PPP3CA: variants seen among roughly 807,000 people sequenced by gnomAD.
PPP3CA encodes the protein protein phosphatase 3 catalytic subunit alpha, also known as CAM-PRP catalytic subunit.
PPP3CA carries 14 observed loss-of-function variants against 66.5 expected under a neutral mutation model. The ratio of observed to expected loss-of-function variants is 0.21; its 90% CI spans 0.14 to 0.33. The LOEUF (loss-of-function observed/expected upper bound fraction) is 0.33, where lower values mean the gene tolerates loss of function less well. Ranked by LOEUF, PPP3CA falls within the 10% of genes least tolerant of loss-of-function variation. The pLI is 1.00. For synonymous variants in PPP3CA, 232 were observed against 226.2 expected (o/e 1.03, Z -0.23); for missense variants, 317 against 639.5 (o/e 0.50, Z 5.44).
chr4:101,325,868 GA>G (rs1729190351), intron 1 of PPP3CA, among the ~76,000 whole-genome samples: 2 of 152,068 alleles, frequency 1.3e-5, no homozygotes, highest in Non-Finnish European at 2.9e-5. Flanking sequence ...CTTTGGCAAA[GA>G]AAAAAGAAGA....
At chr4:101,301,703 AGGCT>A (rs1018426905) in intron 1 of PPP3CA, among the ~76,000 whole-genome samples, 5 of 149,188 alleles carry the variant, frequency 3.4e-5, no homozygotes, top group African/African-American at 1.2e-4. Context: ...CATGTTGGCC[AGGCT>A]GGTCTTAGCT....
At chr4:101,262,680 C>T (rs550228113) in intron 1 of PPP3CA, among the ~76,000 whole-genome samples, 3 of 152,168 alleles carry the variant, frequency 2.0e-5, no homozygotes, top group East Asian at 3.9e-4. Context: ...GGTCTCCTGA[C>T]TCTCATGGTT....
At chr4:101,085,425 T>A (rs1432625348) in intron 6 of PPP3CA, among the ~76,000 whole-genome samples, 2 of 152,212 alleles carry the variant, frequency 1.3e-5, no homozygotes. Context: ...GATACCCTTA[T>A]GTGTTTAAGC....
At chr4:101,247,391 G>A (rs1482689204) in intron 1 of PPP3CA, among the ~76,000 whole-genome samples, 7 of 151,852 alleles carry the variant, frequency 4.6e-5, no homozygotes. Flanking sequence ...CGAACTCCTG[G>A]CCTCAGGTGA....
At chr4:101,247,962 AAG>A (rs1346232687) in intron 1 of PPP3CA, among the ~76,000 whole-genome samples, 2 of 152,198 alleles carry the variant, frequency 1.3e-5, no homozygotes, top group Non-Finnish European at 2.9e-5. Flanking sequence ...ATATATGAGA[AAG>A]AGAGAGAGTT....
At chr4:101,060,712 C>A (rs1578411447) in intron 10 of PPP3CA, among the ~76,000 whole-genome samples, 1 of 151,924 alleles carries the variant, frequency 6.6e-6, no homozygotes, top group East Asian at 1.9e-4. Context: ...GTGAGCAACC[C>A]CATTAGAGGA....
intron 1 of PPP3CA, among the ~76,000 whole-genome samples, chr4:101,319,145 G>A (rs1245943455): frequency 4.1e-5 from 6 of 144,808 alleles, no homozygotes; most frequent in Non-Finnish European, 6.0e-5. Context: ...TCTTAAACGT[G>A]AAGAATTCTG....
chr4:101,192,338 C>G (rs929496460), intron 2 of PPP3CA, among the ~76,000 whole-genome samples: 7 of 152,082 alleles, frequency 4.6e-5, no homozygotes, highest in African/African-American at 1.7e-4. Context: ...GAATTCCTCC[C>G]CACCTCTTCC....
At chr4:101,200,851 C>T (rs905595271) in intron 1 of PPP3CA, among the ~76,000 whole-genome samples, 1 of 152,218 alleles carries the variant, frequency 6.6e-6, no homozygotes, top group East Asian at 1.9e-4. Flanking sequence ...TAGTCACTAG[C>T]TAGCCAAACT....
chr4:101,061,200 C>T (rs754448552), intron 9 of PPP3CA, 39 bp from the exon 10 acceptor site: 6 of 1,532,410 alleles, frequency 3.9e-6, no homozygotes, highest in Non-Finnish European at 5.4e-6. Context: ...TCAGGGTTTT[C>T]TGTTATAACC....
intron 2 of PPP3CA, among the ~76,000 whole-genome samples, chr4:101,160,977 A>G (rs1039104519): frequency 3.9e-5 from 6 of 152,136 alleles, no homozygotes; most frequent in African/African-American, 1.4e-4. Flanking sequence ...CACGTACTGC[A>G]TAACAAGGTT....
intron 2 of PPP3CA, among the ~76,000 whole-genome samples, chr4:101,121,944 T>C (rs947588651): frequency 1.3e-5 from 2 of 152,076 alleles, no homozygotes; most frequent in East Asian, 1.9e-4. Context: ...TCCACACATA[T>C]GTGAAATGTG....
chr4:101,134,810 C>G (rs1722562413), intron 2 of PPP3CA, among the ~76,000 whole-genome samples: 1 of 152,088 alleles, frequency 6.6e-6, no homozygotes, highest in African/African-American at 2.4e-5. Flanking sequence ...TTCACAATAG[C>G]AAAGACTTGG....
chr4:101,343,398 G>C (rs1729878422), intron 1 of PPP3CA, among the ~76,000 whole-genome samples: 1 of 152,182 alleles, frequency 6.6e-6, no homozygotes, highest in African/African-American at 2.4e-5. Flanking sequence ...GCCAAAGTTT[G>C]AGACAAGGCC....
At chr4:101,216,985 C>T (rs985597276) in intron 1 of PPP3CA, among the ~76,000 whole-genome samples, 2 of 152,076 alleles carry the variant, frequency 1.3e-5, no homozygotes, top group African/African-American at 4.8e-5. Flanking sequence ...ATGAATATCA[C>T]AATTCAATGA....
chr4:101,330,779 T>C (rs928150481), intron 1 of PPP3CA, among the ~76,000 whole-genome samples: 5 of 152,120 alleles, frequency 3.3e-5, no homozygotes, highest in African/African-American at 1.2e-4. Context: ...TAACTAGCAC[T>C]ACACTTTTTT....
intron 1 of PPP3CA, among the ~76,000 whole-genome samples, chr4:101,207,980 A>G (rs1330991903): frequency 6.6e-6 from 1 of 152,202 alleles, no homozygotes; most frequent in African/African-American, 2.4e-5. Context: ...TAAGTTTTTC[A>G]CTATCCAGAT....
chr4:101,275,461 T>C (rs1017300784), intron 1 of PPP3CA, among the ~76,000 whole-genome samples: 1 of 152,162 alleles, frequency 6.6e-6, no homozygotes, highest in Non-Finnish European at 1.5e-5. Context: ...GTACCACCCA[T>C]ATTCCTTGAG....
chr4:101,300,068 G>A (rs1728328558), intron 1 of PPP3CA, among the ~76,000 whole-genome samples: 1 of 152,166 alleles, frequency 6.6e-6, no homozygotes, highest in South Asian at 2.1e-4. Context: ...AAGGCGGGGT[G>A]GAGGAAGTAA....
Sources: gnomAD v4.1 joint callset for allele counts (sites outside exome capture counted in the v4.1 genomes callset) on GRCh38, gnomAD v4.1.1 for gene constraint, MANE v1.5 for transcripts, NCBI Gene and HGNC (gene_info 2026-07-23, HGNC 2026-07-21) for gene names.